PPP1R12B: variants seen among roughly 807,000 people sequenced by gnomAD.
The protein encoded by PPP1R12B is protein phosphatase 1 regulatory subunit 12B, also known as myosin phosphatase target subunit 2.
Under a neutral mutation model 126.1 loss-of-function variants are expected in PPP1R12B, and 76 were observed. The observed-to-expected ratio is 0.60, with a 90% CI of 0.50 to 0.73. The LOEUF is 0.73. Ranked by LOEUF, PPP1R12B falls within the 30% of genes least tolerant of loss-of-function variation. The pLI is 0.00. For missense variants in PPP1R12B, 1,052 were observed against 1,205.1 expected (o/e 0.87, Z 1.88); for synonymous variants, 356 against 434.7 (o/e 0.82, Z 2.25).
chr1:202,439,505 T>A, intron 10 of PPP1R12B: 1 of 1,530,236 alleles, frequency 6.5e-7, no homozygotes, highest in Non-Finnish European at 8.9e-7. Flanking sequence ...AGTGGCTGTT[T>A]GGGGCGACTG....
At chr1:202,515,946 G>A (rs34435047) in intron 18 of PPP1R12B, among the ~76,000 whole-genome samples, 44,683 of 152,000 alleles carry the variant, frequency 0.29, 7,892 homozygotes, top group Non-Finnish European at 0.38. Context: ...GAGATTTAGC[G>A]AGAGAGGCAG....
intron 1 of PPP1R12B, among the ~76,000 whole-genome samples, chr1:202,357,786 T>TA (rs1202236068): frequency 6.6e-6 from 1 of 152,206 alleles, no homozygotes; most frequent in Non-Finnish European, 1.5e-5. Flanking sequence ...GCCATTCTCT[T>TA]ACATTTATTT....
At chr1:202,484,439 C>T (rs1677806694) in intron 13 of PPP1R12B, among the ~76,000 whole-genome samples, 1 of 152,148 alleles carries the variant, frequency 6.6e-6, no homozygotes, top group Non-Finnish European at 1.5e-5. Flanking sequence ...GATTGTATTC[C>T]TTAGCTACTA....
chr1:202,527,027 T>C (rs1319680983), intron 18 of PPP1R12B, among the ~76,000 whole-genome samples: 1 of 151,598 alleles, frequency 6.6e-6, no homozygotes, highest in African/African-American at 2.4e-5. Context: ...ACTCAAGAAG[T>C]TGAAAACAGA....
At chr1:202,462,486 A>C (rs1304181982) in intron 13 of PPP1R12B, among the ~76,000 whole-genome samples, 1 of 152,124 alleles carries the variant, frequency 6.6e-6, no homozygotes, top group Non-Finnish European at 1.5e-5. Flanking sequence ...AAGGACAAGA[A>C]TCCATTTCCT....
At chr1:202,373,663 GT>G (rs397718932) in intron 1 of PPP1R12B, among the ~76,000 whole-genome samples, 7 of 148,166 alleles carry the variant, frequency 4.7e-5, no homozygotes, top group African/African-American at 7.5e-5. Context: ...AGATATCTTT[GT>G]TTTTTTTTTC....
chr1:202,474,740 A>G (rs1676417884), intron 13 of PPP1R12B, among the ~76,000 whole-genome samples: 1 of 152,082 alleles, frequency 6.6e-6, no homozygotes, highest in South Asian at 2.1e-4. Context: ...ATGTGTGGCT[A>G]CTCAAATTTA....
intron 18 of PPP1R12B, among the ~76,000 whole-genome samples, chr1:202,519,259 A>G (rs1384405665): frequency 6.6e-6 from 1 of 151,892 alleles, no homozygotes. Context: ...CCAATTAAAA[A>G]ATTTTTTTTT....
intron 18 of PPP1R12B, among the ~76,000 whole-genome samples, chr1:202,553,470 A>G (rs1686530013): frequency 1.3e-5 from 2 of 152,234 alleles, no homozygotes; most frequent in African/African-American, 4.8e-5. Context: ...ATACAGCATA[A>G]TAAATTTGTG....
intron 18 of PPP1R12B, among the ~76,000 whole-genome samples, chr1:202,528,416 G>A (rs1294610254): frequency 1.3e-5 from 2 of 152,164 alleles, no homozygotes; most frequent in Non-Finnish European, 1.5e-5. Flanking sequence ...TTACTGTATT[G>A]CATGCTAAGC....
At chr1:202,574,628 T>G (rs1688922492) in intron 23 of PPP1R12B, among the ~76,000 whole-genome samples, 1 of 152,246 alleles carries the variant, frequency 6.6e-6, no homozygotes, top group Non-Finnish European at 1.5e-5. Flanking sequence ...TCAGTCATGA[T>G]GAAGGGTCCC....
intron 13 of PPP1R12B, among the ~76,000 whole-genome samples, chr1:202,454,156 T>G (rs954725267): frequency 3.9e-5 from 6 of 152,248 alleles, no homozygotes; most frequent in Admixed American, 2.6e-4. Context: ...AAATACCTTG[T>G]TGCATGAACT....
At position 202,569,136 on chromosome 1, in the gene PPP1R12B, T is replaced by C. The variant is rs748474143; in HGVS notation, c.2812-11T>C. Reference sequence around the variant, plus strand: ...TCAATAATGTTCAACAGTCTCATTGTTCCGAAACAGGAGAGGCGAGCCTTG... The same window carrying C: ...TCAATAATGTTCAACAGTCTCATTGCTCCGAAACAGGAGAGGCGAGCCTTG... On this transcript the variant is annotated splice_polypyrimidine_tract_variant and intron_variant, in intron 22 of 23. Coordinates refer to ENST00000608999, the MANE Select transcript of PPP1R12B (RefSeq NM_002481.4). 2 of 1,612,502 alleles carry C rather than the reference T, an allele frequency of 1.2e-6. No homozygotes were observed. Among genetic ancestry groups the C allele is most frequent in the Non-Finnish European group, 1.7e-6 (2 of 1,178,602 alleles).
At chr1:202,566,273 A>G (rs1688041053) in intron 21 of PPP1R12B, among the ~76,000 whole-genome samples, 1 of 152,190 alleles carries the variant, frequency 6.6e-6, no homozygotes, top group Non-Finnish European at 1.5e-5. Flanking sequence ...GGGGAAAAGC[A>G]TTTACTCTCT....
Position 202,450,835 on chromosome 1 carries a change from A to G in PPP1R12B, c.1850+1664A>G, listed in dbSNP as rs1442158373. The stretch of plus-strand genomic sequence containing the variant: ...TCTTTTTGCTTAGGGTGGCTTTGCT[A>G]TTCTGGGTCTTTTGTAGTTCCATAT... On this transcript the variant is annotated intron_variant, in intron 13 of 23. Coordinates refer to ENST00000608999, the MANE Select transcript of PPP1R12B (RefSeq NM_002481.4). Among the ~76,000 whole-genome samples, 4 of 152,234 alleles carry G rather than the reference A, an allele frequency of 2.6e-5. No individual in the cohort carries two copies. The East Asian group carries it at 5.8e-4, about 22-fold the overall frequency.
At chr1:202,550,292 G>A (rs1203541608) in intron 18 of PPP1R12B, among the ~76,000 whole-genome samples, 1 of 152,166 alleles carries the variant, frequency 6.6e-6, no homozygotes, top group Non-Finnish European at 1.5e-5. Flanking sequence ...CAAACAGGCT[G>A]CTGGACTGTG....
chr1:202,407,450 G>A (rs533918029), intron 1 of PPP1R12B, among the ~76,000 whole-genome samples: 83 of 152,170 alleles, frequency 5.5e-4, no homozygotes, highest in African/African-American at 2.0e-3. Flanking sequence ...TGCTCTCTCG[G>A]CTGTCTCTCT....
intron 1 of PPP1R12B, among the ~76,000 whole-genome samples, chr1:202,402,841 G>A (rs1036682509): frequency 5.9e-5 from 9 of 152,132 alleles, no homozygotes; most frequent in African/African-American, 2.2e-4. Flanking sequence ...TTCACTGTAT[G>A]TAAATTTTAC....
At chr1:202,567,380 C>CTTTTTTTTTTTTTTTTT (rs35011066) in intron 21 of PPP1R12B, 1 of 147,814 alleles carries the variant, frequency 6.8e-6, no homozygotes, top group Admixed American at 6.8e-5. Flanking sequence ...AAAGAAAAGC[C>CTTTTTTTTTTTTTTTTT]TTTTTTTTTT....
Sources: allele counts gnomAD v4.1 joint callset (sites outside exome capture counted in the v4.1 genomes callset), GRCh38; gene constraint gnomAD v4.1.1; transcripts MANE v1.5; gene names NCBI Gene and HGNC (gene_info 2026-07-23, HGNC 2026-07-21).